The following UPK3A variants were observed in gnomAD, a reference collection of about 807,000 sequenced individuals.
UPK3A encodes uroplakin 3A, also known as uroplakin-3a.
A neutral mutation model predicts 27.6 loss-of-function variants in UPK3A; 32 were observed. The observed-to-expected ratio is 1.16, with a 90% CI of 0.87 to 1.55. The LOEUF (loss-of-function observed/expected upper bound fraction) is 1.55. Ranked by LOEUF, UPK3A falls within the 40% of genes most tolerant of loss-of-function variation. UPK3A has a pLI of 0.00. For missense variants in UPK3A, 370 were observed against 367.9 expected, an observed-to-expected ratio of 1.01 and a Z score of -0.05; for synonymous variants, 171 against 163.9, an observed-to-expected ratio of 1.04 and a Z score of -0.33.
At chr22:45,287,949 G>A (rs1319402972) in intron 3 of UPK3A, among the ~76,000 whole-genome samples, 1 of 152,188 alleles carries the variant, frequency 6.6e-6, no homozygotes, top group East Asian at 1.9e-4. Flanking sequence ...ACGGGCGTGA[G>A]CTGCCATGCC....
chr22:45,284,991 G>A lies in UPK3A; in HGVS notation c.-23G>A, dbSNP rs1303332566. On this transcript the variant is annotated 5_prime_UTR_variant, in exon 1 of 6. Coordinates refer to ENST00000216211, the MANE Select transcript of UPK3A (RefSeq NM_006953.4). ...CTGCTCGCTGGACCGCCCGCCCCGC[G>A]CTCTGGCGGCTCCTCCCGGGCGATG... The A allele has an allele frequency of 2.0e-6, 3 of 1,529,292 alleles. No homozygotes were observed. Among genetic ancestry groups the A allele is most frequent in the Admixed American group, 2.0e-5 (1 of 50,802 alleles). 94.7% of individuals were successfully genotyped at this position (1,529,292 alleles called of 1,614,324 possible). A position where few individuals can be genotyped will look rare whatever the true frequency, so the allele number is the denominator to read the frequency against.
rs530113280 is a variant in UPK3A at position 45,288,489 on chromosome 22, C to T, written c.489-572C>T. Reference sequence around the variant, plus strand: ...CTGGGATTACAGGCGTCAGGCACTGCGCCCGGCCCATTTTTGTATTTTTAG... The same window carrying T: ...CTGGGATTACAGGCGTCAGGCACTGTGCCCGGCCCATTTTTGTATTTTTAG... On this transcript the variant is annotated intron_variant, in intron 3 of 5. Coordinates refer to ENST00000216211, the MANE Select transcript of UPK3A (RefSeq NM_006953.4). Among the ~76,000 whole-genome samples the T allele has an allele frequency of 5.3e-5, 8 of 152,058 alleles. 1 individual carries two copies. The highest frequency in any genetic ancestry group is 2.1e-4 in the South Asian group (1 of 4,822).
At chr22:45,294,793 G>A (rs906718266) in intron 5 of UPK3A, among the ~76,000 whole-genome samples, 5 of 151,480 alleles carry the variant, frequency 3.3e-5, no homozygotes, top group African/African-American at 1.2e-4. Context: ...CTGTACCATC[G>A]CTCCAGATAC....
intron 4 of UPK3A, among the ~76,000 whole-genome samples, chr22:45,292,581 G>C (rs573180077): frequency 2.8e-4 from 43 of 152,282 alleles, no homozygotes; most frequent in Non-Finnish European, 1.6e-4. Flanking sequence ...CTCACCAGAA[G>C]ACTTGAGTCA....
chr22:45,290,559 G>A (rs772325273), intron 4 of UPK3A, among the ~76,000 whole-genome samples: 1 of 152,092 alleles, frequency 6.6e-6, no homozygotes, highest in African/African-American at 2.4e-5. Flanking sequence ...TGGTGTGTGA[G>A]TGTGAGAATG....
rs1057356 is a variant in UPK3A, at chr22:45,295,713, A to G, written c.858A>G (p.Gln286=). Residue 286 remains glutamine (Q), a synonymous_variant, in exon 6 of 6, where the codon CAA becomes CAG. Coordinates refer to ENST00000216211, the MANE Select transcript of UPK3A (RefSeq NM_006953.4). The part of the protein sequence containing the change: ...DRAEVYSSKL[Q]D ...CTGAGGTGTATTCCAGCAAGCTCCA[A>G]GACTGAGCCCAGCACCACCCCTGGG... 636,049 of 1,613,412 alleles carry G rather than the reference A, an allele frequency of 0.39. 138,470 individuals are homozygous for G. Among genetic ancestry groups the G allele is most frequent in the African/African-American group, 0.82 (61,364 of 74,916 alleles).
chr22:45,295,461 T>G, intron 5 of UPK3A, 99 bp from the exon 6 acceptor site: 1 of 1,296,154 alleles, frequency 7.7e-7, no homozygotes, highest in Non-Finnish European at 1.1e-6. Context: ...AGACGATATC[T>G]GTGAAAGCTA....
At chr22:45,290,109 G>A (rs1192179751) in intron 4 of UPK3A, among the ~76,000 whole-genome samples, 3 of 152,334 alleles carry the variant, frequency 2.0e-5, no homozygotes, top group African/African-American at 7.2e-5. Context: ...CACCTGGGCG[G>A]CTTTCCTGAG....
chr22:45,285,984 C>G lies in UPK3A; in HGVS notation c.96C>G (p.Thr32=). 1.9e-6 allele frequency: 3 copies of G among 1,614,146 alleles called. No individual in the cohort carries two copies. The highest frequency in any genetic ancestry group is 3.3e-4 in the Middle Eastern group (2 of 6,052). ...QPQLASVTFA[T]NNPTLTTVAL... is the part of the protein sequence containing the mutation. ...AACTGGCCAGTGTGACTTTCGCCAC[C>G]AACAACCCCACACTTACCACTGTGG... Residue 32 remains threonine (T), a synonymous_variant, in exon 2 of 6, where the codon ACC becomes ACG. Coordinates refer to ENST00000216211, the MANE Select transcript of UPK3A (RefSeq NM_006953.4).
chr22:45,286,814 G>T (rs1376074452), intron 2 of UPK3A, among the ~76,000 whole-genome samples: 1 of 152,178 alleles, frequency 6.6e-6, no homozygotes, highest in African/African-American at 2.4e-5. Context: ...AAGGAGGAGA[G>T]CTGGGTCCTG....
At chr22:45,293,130 G>C in intron 4 of UPK3A, 51 bp from the exon 5 acceptor site, 1 of 1,608,960 alleles carries the variant, frequency 6.2e-7, no homozygotes, top group African/African-American at 1.3e-5. Flanking sequence ...CTGGGAGAAG[G>C]GTGAGGGTGG....
intron 3 of UPK3A, among the ~76,000 whole-genome samples, chr22:45,288,752 C>T (rs1296060862): frequency 1.3e-5 from 2 of 152,288 alleles, no homozygotes; most frequent in East Asian, 1.9e-4. Flanking sequence ...ACGTGTGTTA[C>T]ATGGAGGAAA....
intron 4 of UPK3A, among the ~76,000 whole-genome samples, chr22:45,289,590 A>AAAG (rs1431365581): frequency 1.4e-5 from 2 of 146,276 alleles, no homozygotes; most frequent in African/African-American, 5.4e-5. Context: ...AAAAAAAAAA[A>AAAG]AAAGAAAAAA....
chr22:45,290,682 C>T lies in UPK3A; in HGVS notation c.571+1539C>T, dbSNP rs1183236049. 2.0e-5 allele frequency among the ~76,000 whole-genome samples: 3 copies of T among 151,952 alleles called. No homozygotes were observed. In the East Asian group the frequency reaches 5.8e-4, roughly 29 times the overall value. Reference sequence around the variant, plus strand: ...CCCTGGGCCATGGACCAGTACCAGTCCATGGCCTGTTAGGAACGGGACCGC... The same window carrying T: ...CCCTGGGCCATGGACCAGTACCAGTTCATGGCCTGTTAGGAACGGGACCGC... On this transcript the variant is annotated intron_variant, in intron 4 of 5. Transcript: ENST00000216211.
At chr22:45,285,759 G>C (rs771822443) in intron 1 of UPK3A, among the ~76,000 whole-genome samples, 182 bp from the exon 2 acceptor site, 1 of 152,144 alleles carries the variant, frequency 6.6e-6, no homozygotes, top group Non-Finnish European at 1.5e-5. Flanking sequence ...AGTTTGGCCC[G>C]ACCGCTCCAT....
Position 45,285,012 on chromosome 22 carries a change from C to T in UPK3A, c.-2C>T. ...CCGCGCTCTGGCGGCTCCTCCCGGGCGATGCCTCCGCTCTGGGCCCTGCTG... is the reference window on the plus strand; with the variant it reads ...CCGCGCTCTGGCGGCTCCTCCCGGGTGATGCCTCCGCTCTGGGCCCTGCTG... On this transcript the variant is annotated 5_prime_UTR_variant, in exon 1 of 6. Coordinates refer to ENST00000216211, the MANE Select transcript of UPK3A (RefSeq NM_006953.4). The T allele has an allele frequency of 3.9e-6, 6 of 1,531,368 alleles. No homozygotes were observed. The South Asian group carries it at 4.8e-5, about 12-fold the overall frequency. The allele number at this position is 1,531,368 out of a possible 1,614,324, so 94.9% of individuals were successfully genotyped here.
At chr22:45,291,859 GTA>G (rs2084164108) in intron 4 of UPK3A, among the ~76,000 whole-genome samples, 1 of 146,714 alleles carries the variant, frequency 6.8e-6, no homozygotes, top group African/African-American at 2.6e-5. Context: ...ATGTGAGTTG[GTA>G]TGTGTGGTGT....
At chr22:45,288,953 C>A (rs1161878788) in intron 3 of UPK3A, 108 bp from the exon 4 acceptor site, 1 of 1,025,582 alleles carries the variant, frequency 9.8e-7, no homozygotes, top group Non-Finnish European at 1.5e-6. Context: ...CTGGAAGGGC[C>A]CCCGCTGCCG....
chr22:45,293,351 A>T, intron 5 of UPK3A, 38 bp downstream of exon 5: 1 of 1,611,642 alleles, frequency 6.2e-7, no homozygotes, highest in African/African-American at 1.3e-5. Flanking sequence ...GACCCCAGGG[A>T]CATGCCAGAC....
Sources: gnomAD v4.1 joint callset for allele counts (sites outside exome capture counted in the v4.1 genomes callset) on GRCh38, gnomAD v4.1.1 for gene constraint, MANE v1.5 for transcripts, NCBI Gene and HGNC (gene_info 2026-07-23, HGNC 2026-07-21) for gene names.